The following TIMM23B variants were observed in gnomAD, a reference collection of about 807,000 sequenced individuals.
TIMM23B encodes the protein mitochondrial import inner membrane translocase subunit Tim23B.
A neutral mutation model predicts 27.3 loss-of-function variants in TIMM23B; 27 were observed. That is an observed-to-expected ratio of 0.99 (90% CI 0.73 to 1.36). The LOEUF (loss-of-function observed/expected upper bound fraction) is 1.36, where lower values mean the gene tolerates loss of function less well. Ranked by LOEUF, TIMM23B falls within the 40% of genes most tolerant of loss-of-function variation. TIMM23B has a pLI of 0.00. For missense variants in TIMM23B, 205 were observed against 244.2 expected (o/e 0.84, Z 1.07); for synonymous variants, 73 against 92.4 (o/e 0.79, Z 1.21).
At chr10:49,942,735 A>T (rs5000940) in intron 1 of TIMM23B, among the ~76,000 whole-genome samples, 5 of 152,170 alleles carry the variant, frequency 3.3e-5, no homozygotes, top group East Asian at 3.9e-4. Flanking sequence ...GTAATATTGC[A>T]TGTAAGTGAG....
At chr10:49,953,753 T>C (rs1448707635) in intron 4 of TIMM23B, among the ~76,000 whole-genome samples, 1 of 152,208 alleles carries the variant, frequency 6.6e-6, no homozygotes, top group Non-Finnish European at 1.5e-5. Flanking sequence ...ATAATATTTT[T>C]AAGTTTTTGT....
At chr10:49,954,733 C>CTTA (rs1262233769) in intron 4 of TIMM23B, among the ~76,000 whole-genome samples, 19,452 of 144,954 alleles carry the variant, frequency 0.13, 1,668 homozygotes, top group East Asian at 0.31. Context: ...AAGAGTTTTC[C>CTTA]TTATTATTAT....
At chr10:49,956,902 C>G (rs1414438371) in intron 5 of TIMM23B, among the ~76,000 whole-genome samples, 5 of 147,284 alleles carry the variant, frequency 3.4e-5, no homozygotes, top group African/African-American at 9.8e-5. Context: ...TTCCTCTGCT[C>G]TCACACTACA....
chr10:49,968,379 G>A (rs1463856361), intron 6 of TIMM23B, among the ~76,000 whole-genome samples: 5 of 152,242 alleles, frequency 3.3e-5, no homozygotes, highest in African/African-American at 4.8e-5. Flanking sequence ...TCTTAGGTCT[G>A]TGGAGTCAAA....
intron 6 of TIMM23B, among the ~76,000 whole-genome samples, chr10:49,966,892 T>A (rs1554855535): frequency 6.6e-6 from 1 of 152,156 alleles, no homozygotes; most frequent in Admixed American, 6.6e-5. Context: ...AGTTTTTCCC[T>A]CATGATCTTT....
intron 5 of TIMM23B, among the ~76,000 whole-genome samples, chr10:49,957,875 C>T (rs1839777688): frequency 6.6e-6 from 1 of 152,218 alleles, no homozygotes; most frequent in Non-Finnish European, 1.5e-5. Context: ...AGAAATCCAG[C>T]AAGGCCTGCC....
chr10:49,950,814 T>A (rs1183210200), intron 2 of TIMM23B, among the ~76,000 whole-genome samples: 7 of 152,220 alleles, frequency 4.6e-5, no homozygotes, highest in Non-Finnish European at 1.5e-5. Context: ...AGCGCTGAGA[T>A]TACAGGCGGG....
chr10:49,942,345 C>T, intron 1 of TIMM23B, 45 bp downstream of exon 1: 2 of 1,578,176 alleles, frequency 1.3e-6, no homozygotes, highest in Non-Finnish European at 1.7e-6. Flanking sequence ...CTGGTTCTTG[C>T]GTTTACACTA....
intron 6 of TIMM23B, among the ~76,000 whole-genome samples, chr10:49,967,764 C>T (rs1203451237): frequency 6.6e-6 from 1 of 151,516 alleles, no homozygotes; most frequent in Non-Finnish European, 1.5e-5. Flanking sequence ...AAATATTCAG[C>T]CTTTTCCTCT....
intron 6 of TIMM23B, among the ~76,000 whole-genome samples, chr10:49,966,118 T>C (rs1482694854): frequency 7.1e-6 from 1 of 140,492 alleles, no homozygotes; most frequent in South Asian, 2.3e-4. Flanking sequence ...AATAATGAAA[T>C]GAATAATGAA....
chr10:49,969,966 T>A (rs1840351460), intron 6 of TIMM23B: 1 of 163,654 alleles, frequency 6.1e-6, no homozygotes, highest in South Asian at 1.4e-4. Flanking sequence ...GGTTTTTGTA[T>A]TTTTTTTGGT....
At position 49,942,255 on chromosome 10, in the gene TIMM23B, G is replaced by C; in HGVS notation, c.61G>C (p.Ala21Pro). 2 of 1,612,784 alleles carry C rather than the reference G, an allele frequency of 1.2e-6. No individual in the cohort carries two copies. Among genetic ancestry groups the C allele is most frequent in the Non-Finnish European group, 1.7e-6 (2 of 1,179,358 alleles). ...AGGGGTATTGGCCGGCTTTTTCGGA[G>C]CCGGCGAAGCAGGTTACTCGCACGC... The part of the protein sequence containing the change: ...TTGVLAGFFG[A>P]GEAGYSHADL... The change falls in exon 1 of 7, where the codon GCC becomes CCC. Residue 21 changes from alanine (A) to proline (P), a missense_variant. Ala to Pro is a conservative substitution (Grantham distance 27). Transcript: ENST00000651259.
At chr10:49,942,442 A>G (rs1839151532) in intron 1 of TIMM23B, 142 bp downstream of exon 1, 2 of 1,447,470 alleles carry the variant, frequency 1.4e-6, no homozygotes, top group East Asian at 2.5e-5. Context: ...GGGTTAGTGT[A>G]TCTGCATGGC....
chr10:49,942,828 A>G (rs1379436784), intron 1 of TIMM23B, among the ~76,000 whole-genome samples: 1 of 152,236 alleles, frequency 6.6e-6, no homozygotes, highest in South Asian at 2.1e-4. Flanking sequence ...ATATATAGAC[A>G]TGAAGAAAGA....
intron 6 of TIMM23B, among the ~76,000 whole-genome samples, chr10:49,961,125 G>C (rs1839881276): frequency 1.3e-5 from 2 of 152,056 alleles, no homozygotes; most frequent in Admixed American, 6.5e-5. Context: ...GCTCACGCCT[G>C]TAATCCCAGC....
At chr10:49,949,144 T>G (rs1338125732) in intron 2 of TIMM23B, among the ~76,000 whole-genome samples, 1 of 149,796 alleles carries the variant, frequency 6.7e-6, no homozygotes, top group African/African-American at 2.4e-5. Flanking sequence ...GTGGTCCTTC[T>G]GCCTTGGCCT....
intron 6 of TIMM23B, among the ~76,000 whole-genome samples, chr10:49,962,589 G>A (rs1418407385): frequency 6.6e-6 from 1 of 152,040 alleles, no homozygotes; most frequent in African/African-American, 2.4e-5. Context: ...TATTCCCATT[G>A]TCTTTTAACT....
chr10:49,947,513 G>T (rs1302044300), intron 2 of TIMM23B, among the ~76,000 whole-genome samples: 3 of 152,090 alleles, frequency 2.0e-5, no homozygotes, highest in Non-Finnish European at 4.4e-5. Context: ...GGAGGCTGAG[G>T]CAGGAGAATC....
At chr10:49,963,609 G>A (rs1368248044) in intron 6 of TIMM23B, among the ~76,000 whole-genome samples, 1 of 152,198 alleles carries the variant, frequency 6.6e-6, no homozygotes, top group Non-Finnish European at 1.5e-5. Flanking sequence ...CAGCTTGGGT[G>A]ATAGAGTGAG....
Sources: allele counts gnomAD v4.1 joint callset (sites outside exome capture counted in the v4.1 genomes callset), GRCh38; gene constraint gnomAD v4.1.1; transcripts MANE v1.5; gene names NCBI Gene and HGNC (gene_info 2026-07-23, HGNC 2026-07-21).